CNTNAP2: variants seen among roughly 807,000 people sequenced by gnomAD.
CNTNAP2 encodes contactin associated protein 2.
A neutral mutation model predicts 155.2 loss-of-function variants in CNTNAP2; 98 were observed. The observed-to-expected ratio is 0.63, with a 90% CI of 0.54 to 0.75. CNTNAP2 has a LOEUF of 0.75. CNTNAP2 is among the 30% of genes least tolerant of loss of function. CNTNAP2 has a pLI of 0.00. For synonymous variants in CNTNAP2, 651 were observed against 631.2 expected (o/e 1.03, Z -0.47); for missense variants, 1,727 against 1,688.1 (o/e 1.02, Z -0.40).
At chr7:148,324,215 G>C (rs919359414) in intron 21 of CNTNAP2, among the ~76,000 whole-genome samples, 6 of 152,012 alleles carry the variant, frequency 3.9e-5, no homozygotes, top group African/African-American at 1.4e-4. Context: ...TCCAAATGAA[G>C]GTGATGTGTC....
chr7:148,274,846 C>T (rs12111911), intron 21 of CNTNAP2, among the ~76,000 whole-genome samples: 85,332 of 152,044 alleles, frequency 0.56, 25,553 homozygotes, highest in South Asian at 0.77. Context: ...ATGACTTTGT[C>T]GGGTTACTTA....
chr7:146,246,029 G>C (rs1799643506), intron 1 of CNTNAP2, among the ~76,000 whole-genome samples: 2 of 151,402 alleles, frequency 1.3e-5, no homozygotes, highest in Non-Finnish European at 2.9e-5. Context: ...AGGTAAAATG[G>C]GGGAATTGTA....
chr7:147,828,441 G>A (rs750891006), intron 13 of CNTNAP2, among the ~76,000 whole-genome samples: 2 of 152,148 alleles, frequency 1.3e-5, no homozygotes, highest in African/African-American at 4.8e-5. Context: ...CTATGACATA[G>A]GCACATTTCA....
chr7:148,099,421 T>TTG (rs35957905), intron 15 of CNTNAP2, among the ~76,000 whole-genome samples: 25,697 of 140,822 alleles, frequency 0.18, 2,333 homozygotes, highest in South Asian at 0.29. Context: ...AGCATTGCAA[T>TTG]TGTGTGTGTG....
At chr7:147,748,860 G>A (rs1525263) in intron 13 of CNTNAP2, among the ~76,000 whole-genome samples, 1,663 of 152,226 alleles carry the variant, frequency 0.011, 95 homozygotes, top group Admixed American at 0.087. Context: ...AGGGAAAGGT[G>A]CTAGGCAGAC....
intron 4 of CNTNAP2, among the ~76,000 whole-genome samples, chr7:147,051,178 A>C (rs1799465639): frequency 8.2e-6 from 1 of 121,480 alleles, no homozygotes; most frequent in African/African-American, 4.8e-5. Flanking sequence ...ATATATACAT[A>C]TATATGTATA....
At chr7:146,879,440 TTC>T (rs2129208914) in intron 3 of CNTNAP2, among the ~76,000 whole-genome samples, 1 of 152,254 alleles carries the variant, frequency 6.6e-6, no homozygotes, top group South Asian at 2.1e-4. Context: ...CTTTATATTG[TTC>T]TCTTTTCTAT....
intron 8 of CNTNAP2, among the ~76,000 whole-genome samples, chr7:147,178,541 T>C (rs1231707922): frequency 6.6e-6 from 1 of 152,156 alleles, no homozygotes; most frequent in Non-Finnish European, 1.5e-5. Context: ...TAGTATAACA[T>C]TCTGGAGTTT....
Position 146,463,908 on chromosome 7 carries a change from T to A in CNTNAP2, c.98-310363T>A, listed in dbSNP as rs146807188. Reference sequence around the variant, plus strand: ...AACAGAGAAAGGTTGACATCCTTTGTTTGGTGTGGATCACTATTTTAGGTG... The same window carrying A: ...AACAGAGAAAGGTTGACATCCTTTGATTGGTGTGGATCACTATTTTAGGTG... On this transcript the variant is annotated intron_variant, in intron 1 of 23. Transcript: ENST00000361727. Among the ~76,000 whole-genome samples, 721 of 152,258 alleles carry A rather than the reference T, an allele frequency of 4.7e-3. 31 individuals carry two copies. Among genetic ancestry groups the A allele is most frequent in the Non-Finnish European group, 8.2e-4 (56 of 67,998 alleles).
intron 1 of CNTNAP2, among the ~76,000 whole-genome samples, chr7:146,420,673 T>C (rs929076890): frequency 6.6e-6 from 1 of 152,092 alleles, no homozygotes; most frequent in Non-Finnish European, 1.5e-5. Context: ...TTCCATTAAA[T>C]GTTTGTATTG....
intron 4 of CNTNAP2, among the ~76,000 whole-genome samples, chr7:147,098,256 A>G (rs1371080526): frequency 6.6e-6 from 1 of 152,160 alleles, no homozygotes; most frequent in African/African-American, 2.4e-5. Context: ...ATGGGCCCTC[A>G]GCTTCCTCAG....
At chr7:147,453,718 T>A (rs1417359012) in intron 10 of CNTNAP2, among the ~76,000 whole-genome samples, 1 of 152,120 alleles carries the variant, frequency 6.6e-6, no homozygotes, top group East Asian at 1.9e-4. Context: ...AGAATTAAAG[T>A]ACAACAAACT....
At chr7:147,083,399 G>A (rs1423163798) in intron 4 of CNTNAP2, among the ~76,000 whole-genome samples, 1 of 151,716 alleles carries the variant, frequency 6.6e-6, no homozygotes, top group African/African-American at 2.4e-5. Flanking sequence ...GGAGAAGTAG[G>A]CAATAATGTC....
In CNTNAP2 at chr7:147,227,558, C is replaced by T. The variant is rs575315533; in HGVS notation, c.1349-72583C>T. Among the ~76,000 whole-genome samples the T allele has an allele frequency of 2.7e-3, 414 of 152,112 alleles. 1 individual carries two copies. The highest frequency in any genetic ancestry group is 9.2e-3 in the African/African-American group (383 of 41,486). On this transcript the variant is annotated intron_variant, in intron 8 of 23. Coordinates refer to ENST00000361727, the MANE Select transcript of CNTNAP2 (RefSeq NM_014141.6). ...GAAGGAAGTGGTTGGACTCTGAATA[C>T]GACGTGTTAACAGATGGACGAAAGG...
chr7:146,485,804 A>C (rs982281861), intron 1 of CNTNAP2, among the ~76,000 whole-genome samples: 1 of 152,056 alleles, frequency 6.6e-6, no homozygotes, highest in Admixed American at 6.6e-5. Context: ...TACAAAAAAA[A>C]CCCATGACAC....
At chr7:148,371,675 G>A (rs753570158) in intron 21 of CNTNAP2, among the ~76,000 whole-genome samples, 1 of 152,130 alleles carries the variant, frequency 6.6e-6, no homozygotes, top group Non-Finnish European at 1.5e-5. Context: ...ACAGGGATAC[G>A]TTCTGAGAAG....
chr7:147,262,053 G>C (rs570491307), intron 8 of CNTNAP2, among the ~76,000 whole-genome samples: 1 of 152,296 alleles, frequency 6.6e-6, no homozygotes, highest in East Asian at 1.9e-4. Context: ...GTGTTAGGAG[G>C]CAAGCAAAAG....
intron 13 of CNTNAP2, among the ~76,000 whole-genome samples, chr7:147,701,950 C>A (rs915395015): frequency 6.6e-6 from 1 of 151,452 alleles, no homozygotes; most frequent in Non-Finnish European, 1.5e-5. Flanking sequence ...TAACTGCCTG[C>A]ATGAATATAA....
At chr7:147,868,328 C>T (rs796485434) in intron 13 of CNTNAP2, among the ~76,000 whole-genome samples, 7 of 152,294 alleles carry the variant, frequency 4.6e-5, no homozygotes, top group African/African-American at 1.7e-4. Context: ...CTGCATGATC[C>T]TTCCTCTGGG....
Sources: gnomAD v4.1 joint callset for allele counts (sites outside exome capture counted in the v4.1 genomes callset) on GRCh38, gnomAD v4.1.1 for gene constraint, MANE v1.5 for transcripts, NCBI Gene and HGNC (gene_info 2026-07-23, HGNC 2026-07-21) for gene names.